Variants in NAT1 observed in about 807,000 individuals in gnomAD.
NAT1 encodes the protein arylamine N-acetyltransferase 1.
For synonymous variants in NAT1, 144 were observed against 122.6 expected, an observed-to-expected ratio of 1.17 and a Z score of -1.16; for missense variants, 400 against 339.2, an observed-to-expected ratio of 1.18 and a Z score of -1.41.
At chr8:18,205,679 G>A (rs368745323), upstream of NAT1, among the ~76,000 whole-genome samples, 1 of 152,214 alleles carries the variant, frequency 6.6e-6, no homozygotes, top group African/African-American at 2.4e-5. Flanking sequence ...TGCCAGCAAA[G>A]CAATGTGAGG....
chr8:18,214,178 C>G (rs1241498355), intron 1 of NAT1, among the ~76,000 whole-genome samples: 3 of 152,126 alleles, frequency 2.0e-5, no homozygotes, highest in Admixed American at 6.5e-5. Flanking sequence ...ACTCTCATAA[C>G]TTTTCTACTC....
chr8:18,172,728 C>G (rs1802143955), intron 2 of NAT1, among the ~76,000 whole-genome samples: 1 of 152,170 alleles, frequency 6.6e-6, no homozygotes, highest in Admixed American at 6.5e-5. Flanking sequence ...GCTTATTAAT[C>G]TCTACATCTT....
At chr8:18,191,119 A>T (rs945170989) in intron 2 of NAT1, among the ~76,000 whole-genome samples, 2 of 152,202 alleles carry the variant, frequency 1.3e-5, no homozygotes, top group Non-Finnish European at 2.9e-5. Flanking sequence ...GATACCCTGT[A>T]TAATAATACA....
chr8:18,184,060 T>C (rs1443979689), intron 2 of NAT1, among the ~76,000 whole-genome samples: 2 of 152,038 alleles, frequency 1.3e-5, no homozygotes, highest in East Asian at 3.9e-4. Context: ...GGGGTCCCTG[T>C]TCCCATTGCT....
At chr8:18,208,962 T>A (rs979862445), upstream of NAT1, among the ~76,000 whole-genome samples, 14 of 152,096 alleles carry the variant, frequency 9.2e-5, no homozygotes, top group African/African-American at 3.4e-4. Context: ...GACGTACCAG[T>A]GCAGGAGTTG....
At chr8:18,190,009 C>G (rs747095090) in intron 2 of NAT1, among the ~76,000 whole-genome samples, 2 of 152,160 alleles carry the variant, frequency 1.3e-5, no homozygotes, top group Admixed American at 6.5e-5. Flanking sequence ...AGGCTGGTCT[C>G]GAACTCCTGA....
rs751961199 is a variant in NAT1, at chr8:18,222,365, T to C, written c.318T>C (p.Ile106=). ...CCAAAAAATACAGCACTGGCATGAT[T>C]CACCTTCTCCTGCAGGTGACCATTG... ...TPAKKYSTGM[I]HLLLQVTIDG... Residue 106 remains isoleucine, a synonymous_variant, in exon 3 of 3, where the codon ATT becomes ATC. Transcript: ENST00000307719. 8 of 1,614,082 alleles carry C rather than the reference T, an allele frequency of 5.0e-6. No individual in the cohort carries two copies. Among genetic ancestry groups the C allele is most frequent in the Middle Eastern group, 3.3e-4 (2 of 6,062 alleles).
At chr8:18,182,699 TCTAAGA>T (rs1366932295) in intron 2 of NAT1, among the ~76,000 whole-genome samples, 3 of 152,230 alleles carry the variant, frequency 2.0e-5, no homozygotes, top group Non-Finnish European at 2.9e-5. Flanking sequence ...ATTGTTCTTC[TCTAAGA>T]CTGTCTCACT....
intron 2 of NAT1, among the ~76,000 whole-genome samples, chr8:18,178,308 G>A (rs776540162): frequency 2.0e-5 from 3 of 152,150 alleles, no homozygotes; most frequent in Non-Finnish European, 4.4e-5. Flanking sequence ...TTCTGGTCAA[G>A]CTGGTCTTCA....
intron 2 of NAT1, among the ~76,000 whole-genome samples, chr8:18,188,696 C>T (rs1188869992): frequency 6.6e-6 from 1 of 150,530 alleles, no homozygotes; most frequent in African/African-American, 2.4e-5. Flanking sequence ...ATAGATATAC[C>T]TACTTTTAGA....
intron 2 of NAT1, among the ~76,000 whole-genome samples, chr8:18,182,126 C>T (rs1278206732): frequency 6.6e-6 from 1 of 152,128 alleles, no homozygotes; most frequent in Non-Finnish European, 1.5e-5. Context: ...GTGTGTATCT[C>T]TTCTTGTTAT....
chr8:18,210,820 G>C (rs535335503), intron 1 of NAT1, among the ~76,000 whole-genome samples: 1 of 152,178 alleles, frequency 6.6e-6, no homozygotes, highest in Admixed American at 6.5e-5. Flanking sequence ...CATTGCCCAG[G>C]CTGGAGTGCA....
intron 2 of NAT1, among the ~76,000 whole-genome samples, chr8:18,198,615 T>G (rs565916386): frequency 5.3e-5 from 8 of 152,370 alleles, no homozygotes; most frequent in African/African-American, 1.9e-4. Context: ...AGGTTTTATT[T>G]TTCCCCAGTA....
intron 2 of NAT1, among the ~76,000 whole-genome samples, chr8:18,183,037 G>A (rs989459975): frequency 6.6e-6 from 1 of 152,042 alleles, no homozygotes; most frequent in Non-Finnish European, 1.5e-5. Context: ...TGCTATAACA[G>A]AATAACACAG....
chr8:18,190,057 T>C (rs1425943311), intron 2 of NAT1, among the ~76,000 whole-genome samples: 3 of 152,210 alleles, frequency 2.0e-5, no homozygotes, highest in Non-Finnish European at 4.4e-5. Context: ...CCCAAAGTGC[T>C]GGGATTACAG....
At position 18,193,196 on chromosome 8, in the gene NAT1, G is replaced by T. The variant is rs139238948; in HGVS notation, n.93-16585G>T. On this transcript the variant is annotated intron_variant and non_coding_transcript_variant, in intron 2 of 4. Transcript: ENST00000517441. ...TGGGCTCAAGCAATCCTCCACCTCAGCCACTCAAGTAGGTAGCACCACAGG... is the reference window on the plus strand; with the variant it reads ...TGGGCTCAAGCAATCCTCCACCTCATCCACTCAAGTAGGTAGCACCACAGG... 1.1e-3 allele frequency among the ~76,000 whole-genome samples: 160 copies of T among 145,612 alleles called. 1 individual carries two copies. The highest frequency in any genetic ancestry group is 3.9e-3 in the African/African-American group (155 of 39,522).
At chr8:18,197,101 G>T (rs536061054) in intron 2 of NAT1, among the ~76,000 whole-genome samples, 154 of 152,250 alleles carry the variant, frequency 1.0e-3, no homozygotes, top group African/African-American at 3.6e-3. Flanking sequence ...CAGCTCTCAT[G>T]AGAACTAACT....
At position 18,210,495 on chromosome 8, in the gene NAT1, A is replaced by G. The variant is rs149946402; in HGVS notation, c.-86+315A>G. 1.7e-3 allele frequency among the ~76,000 whole-genome samples: 256 copies of G among 152,028 alleles called. 1 individual carries two copies. Among genetic ancestry groups the G allele is most frequent in the African/African-American group, 6.0e-3 (249 of 41,336 alleles). On this transcript the variant is annotated intron_variant, in intron 1 of 2. Coordinates refer to ENST00000307719, the MANE Select transcript of NAT1 (RefSeq NM_000662.8). Reference sequence around the variant, plus strand: ...TGGAGCTACGAGTACTGCTTACTTAAAGGACTTGTTGTGAGGATTACATAC... The same window carrying G: ...TGGAGCTACGAGTACTGCTTACTTAGAGGACTTGTTGTGAGGATTACATAC...
intron 2 of NAT1, among the ~76,000 whole-genome samples, chr8:18,184,046 TG>T (rs981575988): frequency 1.3e-5 from 2 of 151,778 alleles, no homozygotes; most frequent in African/African-American, 2.4e-5. Flanking sequence ...GGCGGGGTGG[TG>T]GGGGGGTCCC....
Sources: allele counts gnomAD v4.1 joint callset (sites outside exome capture counted in the v4.1 genomes callset), GRCh38; gene constraint gnomAD v4.1.1; transcripts MANE v1.5; gene names NCBI Gene and HGNC (gene_info 2026-07-23, HGNC 2026-07-21).